The following MRAP2 variants were observed in gnomAD, a reference collection of about 807,000 sequenced individuals.
MRAP2 encodes the protein melanocortin-2 receptor accessory protein 2.
MRAP2 carries 20 observed loss-of-function variants against 17.4 expected under a neutral mutation model. That is an observed-to-expected ratio of 1.15 (90% CI 0.81 to 1.67). The LOEUF is 1.67. Among genes scored for constraint, MRAP2 ranks in the 40% most tolerant of loss-of-function variants. MRAP2 has a pLI of 0.00. For synonymous variants in MRAP2, 96 were observed against 88.4 expected (o/e 1.09, Z -0.48); for missense variants, 238 against 240.0 (o/e 0.99, Z 0.05).
the MRAP2 span, among the ~76,000 whole-genome samples, chr6:84,097,449 A>G: frequency 0.039 from 5,885 of 152,254 alleles, 225 homozygotes; most frequent in African/African-American, 0.098. Flanking sequence ...AACATTACTA[A>G]AAGTTTTATT....
At chr6:84,061,735 T>G (rs1012120375) in intron 2 of MRAP2, 32 of 978,422 alleles carry the variant, frequency 3.3e-5, no homozygotes, top group Non-Finnish European at 3.9e-5. Flanking sequence ...CCTAGTTTGA[T>G]TGGAAACACA....
chr6:84,037,789 C>T (rs112777618), intron 1 of MRAP2, among the ~76,000 whole-genome samples: 331 of 152,196 alleles, frequency 2.2e-3, no homozygotes, highest in Non-Finnish European at 3.8e-3. Flanking sequence ...CTAGAACTCA[C>T]GCTGGCCAGC....
rs1003883537 is a variant in MRAP2 at position 84,061,802 on chromosome 6, AC to A, written c.128-1089del. On this transcript the variant is annotated intron_variant, in intron 2 of 3. Transcript: ENST00000257776. ...GACAATTCTAATGACAGTAGCCAGC[AC>A]CTGTGGTGTACTGTTTTCTCAGATG... 25 of 985,344 alleles carry A rather than the reference AC, an allele frequency of 2.5e-5. No homozygotes were observed. The Admixed American group carries it at 8.6e-4, about 34-fold the overall frequency. 61.0% of individuals were successfully genotyped at this position (985,344 alleles called of 1,614,324 possible). A position where few individuals can be genotyped will look rare whatever the true frequency, so the allele number is the denominator to read the frequency against.
chr6:84,062,791 T>C, intron 2 of MRAP2, 102 bp from the exon 3 acceptor site: 3 of 1,552,890 alleles, frequency 1.9e-6, no homozygotes, highest in Non-Finnish European at 2.6e-6. Context: ...TGACTTCCTT[T>C]CATGTTTCAT....
At chr6:84,055,765 A>G (rs990831938) in intron 2 of MRAP2, among the ~76,000 whole-genome samples, 4 of 152,212 alleles carry the variant, frequency 2.6e-5, no homozygotes, top group Admixed American at 6.5e-5. Flanking sequence ...TGTTTGAACT[A>G]TCAAAAATAT....
At chr6:84,109,446 T>C in the MRAP2 span, among the ~76,000 whole-genome samples, 1 of 152,128 alleles carries the variant, frequency 6.6e-6, no homozygotes, top group African/African-American at 2.4e-5. Context: ...TGAATGAAAG[T>C]TCATTCAAGG....
chr6:84,063,277 T>A (rs1409378627), intron 3 of MRAP2: 8 of 985,144 alleles, frequency 8.1e-6, no homozygotes, highest in Non-Finnish European at 9.6e-6. Context: ...ATTGAAATGT[T>A]TATTAATTAC....
chr6:84,055,485 T>C (rs755969292), intron 2 of MRAP2, 40 bp downstream of exon 2: 1 of 1,595,414 alleles, frequency 6.3e-7, no homozygotes, highest in Non-Finnish European at 8.6e-7. Flanking sequence ...CATAATTGTA[T>C]TTCTCTTAAC....
chr6:84,049,450 C>G (rs2099489840), intron 1 of MRAP2, among the ~76,000 whole-genome samples: 1 of 151,866 alleles, frequency 6.6e-6, no homozygotes, highest in African/African-American at 2.4e-5. Context: ...AAAAAACAAA[C>G]AAAACAACAA....
chr6:84,132,564 ACTTCT>A, the MRAP2 span, among the ~76,000 whole-genome samples: 4 of 151,864 alleles, frequency 2.6e-5, no homozygotes, highest in South Asian at 8.3e-4. Context: ...TTTTCTCTAA[ACTTCT>A]CTTCTCACTT....
chr6:84,141,108 G>GCC, the MRAP2 span, among the ~76,000 whole-genome samples: 7 of 152,058 alleles, frequency 4.6e-5, no homozygotes, highest in African/African-American at 1.7e-4. Context: ...ATGCTCACTC[G>GCC]CCCCCTGCTC....
At chr6:84,135,014 T>C in the MRAP2 span, among the ~76,000 whole-genome samples, 2 of 151,670 alleles carry the variant, frequency 1.3e-5, no homozygotes, top group African/African-American at 4.9e-5. Flanking sequence ...CATACATACA[T>C]GAACAAACAT....
downstream of MRAP2, among the ~76,000 whole-genome samples, chr6:84,093,851 C>T (rs986898650): frequency 6.6e-6 from 1 of 152,208 alleles, no homozygotes; most frequent in African/African-American, 2.4e-5. Flanking sequence ...AGGGAAGTCC[C>T]TAATCCCTTA....
At chr6:84,082,515 A>G (rs893679285) in intron 3 of MRAP2, among the ~76,000 whole-genome samples, 2 of 152,192 alleles carry the variant, frequency 1.3e-5, no homozygotes, top group African/African-American at 4.8e-5. Flanking sequence ...AAAATTTACT[A>G]CACAGATTCT....
downstream of MRAP2, among the ~76,000 whole-genome samples, chr6:84,093,479 G>C (rs1164895177): frequency 6.6e-6 from 1 of 152,290 alleles, no homozygotes; most frequent in East Asian, 1.9e-4. Context: ...CTGGGTTCTT[G>C]TAATCTTCCA....
intron 1 of MRAP2, among the ~76,000 whole-genome samples, chr6:84,048,210 G>A (rs1004205443): frequency 2.0e-5 from 3 of 152,006 alleles, no homozygotes; most frequent in Non-Finnish European, 1.5e-5. Context: ...CTTCCACAGC[G>A]GCTGTACCTT....
chr6:84,126,655 C>A, the MRAP2 span: 114 of 548,106 alleles, frequency 2.1e-4, no homozygotes, highest in Middle Eastern at 2.5e-3. Context: ...AGCTTTCATT[C>A]TCTATATCCA....
Position 84,090,740 on chromosome 6 carries a change from CT to C in MRAP2, c.*1260del, listed in dbSNP as rs2099501629. On this transcript the variant is annotated 3_prime_UTR_variant, in exon 4 of 4. Coordinates refer to ENST00000257776, the MANE Select transcript of MRAP2 (RefSeq NM_138409.4). ...CTTTAATTTCATGGAGGAATCAAAGCTGCACACTGGTATTAAAACAACTTGA... is the reference window on the plus strand; with the variant it reads ...CTTTAATTTCATGGAGGAATCAAAGCGCACACTGGTATTAAAACAACTTGA... The C allele has an allele frequency of 6.6e-6, 1 of 152,158 alleles. No individual in the cohort carries two copies. Among genetic ancestry groups the C allele is most frequent in the Admixed American group, 6.5e-5 (1 of 15,276 alleles). The allele number at this position is 152,158 out of a possible 1,614,324, so 9.4% of individuals were successfully genotyped here.
chr6:84,073,012 A>G (rs1034815784), intron 3 of MRAP2, among the ~76,000 whole-genome samples: 1 of 152,158 alleles, frequency 6.6e-6, no homozygotes, highest in African/African-American at 2.4e-5. Context: ...CGCAGCTGCA[A>G]AAGAAAAGGG....
Sources: gnomAD v4.1 joint callset for allele counts (sites outside exome capture counted in the v4.1 genomes callset) on GRCh38, gnomAD v4.1.1 for gene constraint, MANE v1.5 for transcripts, NCBI Gene and HGNC (gene_info 2026-07-23, HGNC 2026-07-21) for gene names.